GALNTL6: variants seen among roughly 807,000 people sequenced by gnomAD.
GALNTL6 encodes polypeptide N-acetylgalactosaminyltransferase-like 6.
Under a neutral mutation model 73.7 loss-of-function variants are expected in GALNTL6, and 46 were observed. The ratio of observed to expected loss-of-function variants is 0.62; its 90% CI spans 0.49 to 0.80. GALNTL6 has a LOEUF of 0.80. GALNTL6 is among the 30% of genes least tolerant of loss of function. GALNTL6 has a pLI of 0.00. For missense variants in GALNTL6, 604 were observed against 755.0 expected (o/e 0.80, Z 2.34); for synonymous variants, 259 against 263.7 (o/e 0.98, Z 0.17).
intron 2 of GALNTL6, among the ~76,000 whole-genome samples, chr4:171,981,709 T>C (rs1334364293): frequency 6.6e-6 from 1 of 152,134 alleles, no homozygotes; most frequent in Non-Finnish European, 1.5e-5. Context: ...TGAGAAGGCC[T>C]TATAAAATCC....
At chr4:172,023,922 T>C (rs1047732620) in intron 2 of GALNTL6, among the ~76,000 whole-genome samples, 1 of 151,842 alleles carries the variant, frequency 6.6e-6, no homozygotes, top group Non-Finnish European at 1.5e-5. Context: ...CCTATAATGA[T>C]GGTTATAATT....
intron 2 of GALNTL6, among the ~76,000 whole-genome samples, chr4:172,105,452 T>C (rs1255268171): frequency 6.6e-6 from 1 of 152,052 alleles, no homozygotes; most frequent in Non-Finnish European, 1.5e-5. Context: ...CATAAAGTTT[T>C]TTTTTAATTA....
rs375065978 is a variant in GALNTL6, at chr4:172,886,853, C to T, written c.1041+3946C>T. Among the ~76,000 whole-genome samples the T allele has an allele frequency of 5.9e-5, 9 of 152,018 alleles. 1 individual carries two copies. In the South Asian group the frequency reaches 1.9e-3, roughly 32 times the overall value. On this transcript the variant is annotated intron_variant, in intron 8 of 12. Coordinates refer to ENST00000506823, the MANE Select transcript of GALNTL6 (RefSeq NM_001034845.3). ...TTAAGTTCAACTTTTATTTTAGATTCAGGGGGTACACGTGCAGGATTGTTA... is the reference window on the plus strand; with the variant it reads ...TTAAGTTCAACTTTTATTTTAGATTTAGGGGGTACACGTGCAGGATTGTTA...
rs115833254 is a variant in GALNTL6 at position 172,646,071 on chromosome 4, A to G, written c.554-163290A>G. Among the ~76,000 whole-genome samples, 1,123 of 152,116 alleles carry G rather than the reference A, an allele frequency of 7.4e-3. 8 individuals are homozygous for G. The highest frequency in any genetic ancestry group is 0.012 in the Non-Finnish European group (834 of 67,934). Reference sequence around the variant, plus strand: ...TGTCATATTTGGGAGTGGCATGTCCATCCCTCCAATACCATGCTGTCTTAA... The same window carrying G: ...TGTCATATTTGGGAGTGGCATGTCCGTCCCTCCAATACCATGCTGTCTTAA... On this transcript the variant is annotated intron_variant, in intron 5 of 12. Transcript: ENST00000506823.
At chr4:172,633,943 A>G (rs1560847307) in intron 5 of GALNTL6, among the ~76,000 whole-genome samples, 1 of 152,216 alleles carries the variant, frequency 6.6e-6, no homozygotes, top group Non-Finnish European at 1.5e-5. Flanking sequence ...GCCTTCTGGC[A>G]TGATTGTGAG....
At chr4:172,734,669 G>T (rs1223138230) in intron 5 of GALNTL6, among the ~76,000 whole-genome samples, 1 of 152,184 alleles carries the variant, frequency 6.6e-6, no homozygotes, top group Non-Finnish European at 1.5e-5. Flanking sequence ...TCATGGGCTG[G>T]TGTTGAGTGT....
At chr4:172,141,209 T>C (rs1376249903) in intron 2 of GALNTL6, among the ~76,000 whole-genome samples, 1 of 152,020 alleles carries the variant, frequency 6.6e-6, no homozygotes, top group Admixed American at 6.5e-5. Flanking sequence ...GGATAGTAAG[T>C]GTTTAAGTGT....
At chr4:171,956,571 T>A (rs1271440341) in intron 2 of GALNTL6, among the ~76,000 whole-genome samples, 3 of 152,230 alleles carry the variant, frequency 2.0e-5, no homozygotes, top group African/African-American at 7.2e-5. Flanking sequence ...TGATCACTAA[T>A]GATAATTTCA....
intron 5 of GALNTL6, among the ~76,000 whole-genome samples, chr4:172,686,745 A>C (rs1032118247): frequency 6.6e-6 from 1 of 152,188 alleles, no homozygotes; most frequent in Non-Finnish European, 1.5e-5. Context: ...GCCCTCAAGG[A>C]ATGTGTTTTT....
chr4:171,903,032 G>A (rs1737148098), intron 2 of GALNTL6, among the ~76,000 whole-genome samples: 1 of 151,802 alleles, frequency 6.6e-6, no homozygotes, highest in Admixed American at 6.6e-5. Context: ...AGACGAAGAA[G>A]GAGTCTAAAA....
In GALNTL6 at chr4:171,920,218, G is replaced by A. The variant is rs778633862; in HGVS notation, c.138+105500G>A. Among the ~76,000 whole-genome samples the A allele has an allele frequency of 8.5e-5, 13 of 152,064 alleles. No individual in the cohort carries two copies. The South Asian group carries it at 1.2e-3, about 15-fold the overall frequency. ...CACAGGAAGGGGAACATCACACACC[G>A]GGGCCTGTTTTGGGGTAGGGGGAGA... On this transcript the variant is annotated intron_variant, in intron 2 of 12. Coordinates refer to ENST00000506823, the MANE Select transcript of GALNTL6 (RefSeq NM_001034845.3).
At chr4:171,967,492 A>G (rs1386966417) in intron 2 of GALNTL6, among the ~76,000 whole-genome samples, 1 of 119,358 alleles carries the variant, frequency 8.4e-6, no homozygotes, top group African/African-American at 3.3e-5. Context: ...TTGAAATGTT[A>G]TTCTCAGAGA....
At chr4:171,947,181 C>G (rs1738726963) in intron 2 of GALNTL6, among the ~76,000 whole-genome samples, 2 of 151,760 alleles carry the variant, frequency 1.3e-5, no homozygotes, top group South Asian at 2.1e-4. Flanking sequence ...AATTGTGCTC[C>G]TTCCTTCATT....
At chr4:172,005,866 C>T (rs1195803023) in intron 2 of GALNTL6, among the ~76,000 whole-genome samples, 1 of 152,138 alleles carries the variant, frequency 6.6e-6, no homozygotes, top group Non-Finnish European at 1.5e-5. Context: ...TAGTGGAAGC[C>T]TTAGCTTAAA....
At chr4:172,884,329 A>G (rs1042085194) in intron 8 of GALNTL6, among the ~76,000 whole-genome samples, 3 of 152,180 alleles carry the variant, frequency 2.0e-5, no homozygotes, top group Admixed American at 6.5e-5. Flanking sequence ...TGGGTAAGAT[A>G]TAACCTCAAT....
rs200461415 is a variant in GALNTL6, at chr4:172,945,058, C to CA, written c.1150-6965dup. Reference sequence around the variant, plus strand: ...GGGCAAAAAGAGCAAAATTCCATCTCAAAAAAAAAAAAAAGAAAAAAAAAG... The same window carrying CA: ...GGGCAAAAAGAGCAAAATTCCATCTCAAAAAAAAAAAAAAAGAAAAAAAAAG... On this transcript the variant is annotated intron_variant, in intron 9 of 12. Coordinates refer to ENST00000506823, the MANE Select transcript of GALNTL6 (RefSeq NM_001034845.3). Among the ~76,000 whole-genome samples, 632 of 76,758 alleles carry CA rather than the reference C, an allele frequency of 8.2e-3. 3 individuals carry two copies. The highest frequency in any genetic ancestry group is 0.028 in the African/African-American group (511 of 18,512). 50.4% of individuals were successfully genotyped at this position (76,758 alleles called of 152,430 possible).
intron 11 of GALNTL6, among the ~76,000 whole-genome samples, chr4:173,017,188 C>T (rs1367507170): frequency 6.6e-6 from 1 of 152,106 alleles, no homozygotes; most frequent in African/African-American, 2.4e-5. Flanking sequence ...TTATTAGCAG[C>T]ATGAGAATGG....
intron 2 of GALNTL6, among the ~76,000 whole-genome samples, chr4:172,086,905 A>G (rs938201088): frequency 6.6e-6 from 1 of 152,220 alleles, no homozygotes; most frequent in African/African-American, 2.4e-5. Context: ...CTTCTTAAAT[A>G]TTAATAAAAT....
rs141329855 is a variant in GALNTL6, at chr4:172,062,614, T to C, written c.139-167042T>C. ...TTTTCAAAGCAATAAATAACTATTG[T>C]GGCTACATCCAAAATCAGCATTCCA... On this transcript the variant is annotated intron_variant, in intron 2 of 12. Coordinates refer to ENST00000506823, the MANE Select transcript of GALNTL6 (RefSeq NM_001034845.3). Among the ~76,000 whole-genome samples, 10 of 152,356 alleles carry C rather than the reference T, an allele frequency of 6.6e-5. 1 individual carries two copies. In the East Asian group the frequency reaches 1.9e-3, roughly 29 times the overall value.
Sources: allele counts gnomAD v4.1 joint callset (sites outside exome capture counted in the v4.1 genomes callset), GRCh38; gene constraint gnomAD v4.1.1; transcripts MANE v1.5; gene names NCBI Gene and HGNC (gene_info 2026-07-23, HGNC 2026-07-21).